The following GPR158 variants were observed in gnomAD, a reference collection of about 807,000 sequenced individuals.
GPR158 encodes the protein metabotropic glycine receptor.
In GPR158, 30 loss-of-function variants were observed where a neutral mutation model predicts 78.2. That is an observed-to-expected ratio of 0.38 (90% CI 0.29 to 0.52). The LOEUF (loss-of-function observed/expected upper bound fraction) is 0.52. Ranked by LOEUF, GPR158 falls within the 20% of genes least tolerant of loss-of-function variation. The probability of loss-of-function intolerance (pLI) is 0.83; values close to 1 mark genes in which losing one functional copy is unlikely to be tolerated. For synonymous variants in GPR158, 581 were observed against 591.1 expected, an observed-to-expected ratio of 0.98 and a Z score of 0.25; for missense variants, 1,463 against 1,523.5, an observed-to-expected ratio of 0.96 and a Z score of 0.66.
intron 5 of GPR158, among the ~76,000 whole-genome samples, chr10:25,520,927 A>T: frequency 6.6e-6 from 1 of 152,142 alleles, no homozygotes; most frequent in Non-Finnish European, 1.5e-5. Context: ...TGTTTACCTA[A>T]GCAAGCCTGG....
intron 6 of GPR158, among the ~76,000 whole-genome samples, chr10:25,552,024 C>G (rs917963096): frequency 1.3e-5 from 2 of 152,024 alleles, no homozygotes; most frequent in African/African-American, 4.8e-5. Flanking sequence ...TTCATTTTTT[C>G]TCTTTTGGTA....
intron 2 of GPR158, among the ~76,000 whole-genome samples, chr10:25,371,402 A>G (rs576386136): frequency 1.9e-4 from 29 of 151,944 alleles, no homozygotes; most frequent in Admixed American, 1.8e-3. Flanking sequence ...CGCCATGTCA[A>G]TCCTAAGCCA....
intron 2 of GPR158, among the ~76,000 whole-genome samples, chr10:25,226,441 T>A (rs2130689390): frequency 6.6e-6 from 1 of 152,330 alleles, no homozygotes; most frequent in East Asian, 1.9e-4. Flanking sequence ...GAGGGACATT[T>A]AAGAACAAAC....
rs149188778 is a variant in GPR158, at chr10:25,425,230, G to A, written c.1335+12757G>A. Among the ~76,000 whole-genome samples the A allele has an allele frequency of 5.9e-5, 9 of 152,226 alleles. No homozygotes were observed. The East Asian group carries it at 1.7e-3, about 29-fold the overall frequency. ...CTTGTGATTTTTGAACATTGATTTT[G>A]TATCCTGAGTTCTTGAAGGATTCTC... On this transcript the variant is annotated intron_variant, in intron 4 of 10. Transcript: ENST00000376351.
At chr10:25,418,684 GTA>G (rs1319539146) in intron 4 of GPR158, among the ~76,000 whole-genome samples, 1 of 146,226 alleles carries the variant, frequency 6.8e-6, no homozygotes, top group Admixed American at 6.9e-5. Context: ...TCAAGTGTTA[GTA>G]TAATTTATTT....
chr10:25,472,397 G>A (rs1229991592), intron 5 of GPR158, among the ~76,000 whole-genome samples: 1 of 152,190 alleles, frequency 6.6e-6, no homozygotes, highest in Admixed American at 6.5e-5. Flanking sequence ...CAGGTAGTGT[G>A]ATGCCTCCAG....
At chr10:25,273,947 G>T (rs1263595001) in intron 2 of GPR158, among the ~76,000 whole-genome samples, 1 of 152,090 alleles carries the variant, frequency 6.6e-6, no homozygotes, top group Non-Finnish European at 1.5e-5. Flanking sequence ...CAAAGTACTA[G>T]GATTACAGGC....
intron 4 of GPR158, among the ~76,000 whole-genome samples, chr10:25,417,665 T>C (rs547453451): frequency 1.6e-4 from 24 of 152,340 alleles, no homozygotes; most frequent in Middle Eastern, 3.4e-3. Context: ...ATTGTGAAGC[T>C]ATGTGCTATT....
chr10:25,359,245 A>G (rs1316457646), intron 2 of GPR158, among the ~76,000 whole-genome samples: 1 of 151,950 alleles, frequency 6.6e-6, no homozygotes, highest in Non-Finnish European at 1.5e-5. Context: ...AATACATTAC[A>G]TGAAAGTTAC....
At chr10:25,394,283 C>T (rs960614659) in intron 2 of GPR158, among the ~76,000 whole-genome samples, 1 of 152,170 alleles carries the variant, frequency 6.6e-6, no homozygotes, top group Non-Finnish European at 1.5e-5. Flanking sequence ...CAGTAAGGCT[C>T]AGAGATGTTA....
intron 5 of GPR158, among the ~76,000 whole-genome samples, chr10:25,488,736 A>G (rs1835765387): frequency 6.6e-6 from 1 of 152,156 alleles, no homozygotes; most frequent in Admixed American, 6.6e-5. Context: ...CATGAAAGAA[A>G]GTGCTTATTT....
chr10:25,367,198 T>C (rs1457501911), intron 2 of GPR158, among the ~76,000 whole-genome samples: 1 of 151,658 alleles, frequency 6.6e-6, no homozygotes, highest in Non-Finnish European at 1.5e-5. Context: ...GGGAAAATTT[T>C]ATATTTCTAC....
chr10:25,179,153 T>G (rs1313281205), intron 1 of GPR158, among the ~76,000 whole-genome samples: 1 of 152,244 alleles, frequency 6.6e-6, no homozygotes, highest in Non-Finnish European at 1.5e-5. Flanking sequence ...AGGTTTTTTG[T>G]TGATGATATT....
intron 4 of GPR158, among the ~76,000 whole-genome samples, chr10:25,461,965 C>T (rs990289242): frequency 6.6e-6 from 1 of 152,076 alleles, no homozygotes; most frequent in Non-Finnish European, 1.5e-5. Context: ...TGGTCTCGAT[C>T]TCCTGACCTT....
Position 25,203,851 on chromosome 10 carries a change from G to A in GPR158, c.903-17201G>A, listed in dbSNP as rs1852971193. 2.1e-5 allele frequency among the ~76,000 whole-genome samples: 3 copies of A among 144,582 alleles called. 1 individual carries two copies. The highest frequency in any genetic ancestry group is 5.3e-5 in the African/African-American group (2 of 37,826). The allele number at this position is 144,582 out of a possible 152,430, so 94.9% of individuals were successfully genotyped here. On this transcript the variant is annotated intron_variant, in intron 1 of 10. Coordinates refer to ENST00000376351, the MANE Select transcript of GPR158 (RefSeq NM_020752.3). ...CTGAATCTATAAATTACCTTGGGCA[G>A]TTTGGCCATTTTCACAATATTGATT...
intron 2 of GPR158, among the ~76,000 whole-genome samples, chr10:25,271,731 G>A (rs541386207): frequency 2.0e-5 from 3 of 152,104 alleles, no homozygotes; most frequent in East Asian, 1.9e-4. Context: ...GTGCGATCTC[G>A]GCTCACTGCA....
At chr10:25,334,685 A>G (rs68057146) in intron 2 of GPR158, among the ~76,000 whole-genome samples, 6,720 of 152,088 alleles carry the variant, frequency 0.044, 156 homozygotes, top group African/African-American at 0.057. Flanking sequence ...TTTAATGTCT[A>G]TGTGACCCAG....
At chr10:25,542,014 T>C (rs1227899564) in intron 5 of GPR158, among the ~76,000 whole-genome samples, 1 of 149,732 alleles carries the variant, frequency 6.7e-6, no homozygotes, top group Non-Finnish European at 1.5e-5. Flanking sequence ...TATAAAGTCG[T>C]TAAAGCCTCA....
intron 2 of GPR158, among the ~76,000 whole-genome samples, chr10:25,267,382 T>A (rs2130739250): frequency 6.6e-6 from 1 of 152,206 alleles, no homozygotes; most frequent in Non-Finnish European, 1.5e-5. Flanking sequence ...GCTCATCAGA[T>A]CTTGTGAGAA....
Sources: gnomAD v4.1 joint callset for allele counts (sites outside exome capture counted in the v4.1 genomes callset) on GRCh38, gnomAD v4.1.1 for gene constraint, MANE v1.5 for transcripts, NCBI Gene and HGNC (gene_info 2026-07-23, HGNC 2026-07-21) for gene names.